The following JAKMIP2 variants were observed in gnomAD, a reference collection of about 807,000 sequenced individuals.
JAKMIP2 encodes the protein janus kinase and microtubule-interacting protein 2.
A neutral mutation model predicts 115.0 loss-of-function variants in JAKMIP2; 25 were observed. The ratio of observed to expected loss-of-function variants is 0.22; its 90% CI spans 0.16 to 0.30. The LOEUF is 0.30. Ranked by LOEUF, JAKMIP2 falls within the 10% of genes least tolerant of loss-of-function variation. The probability of loss-of-function intolerance (pLI) is 1.00; values close to 1 mark genes in which losing one functional copy is unlikely to be tolerated. For synonymous variants in JAKMIP2, 334 were observed against 343.6 expected, an observed-to-expected ratio of 0.97 and a Z score of 0.31; for missense variants, 642 against 957.6, an observed-to-expected ratio of 0.67 and a Z score of 4.35.
intron 3 of JAKMIP2, chr5:147,660,633 A>G (rs1758908580): frequency 1.1e-5 from 4 of 364,422 alleles, no homozygotes; most frequent in Non-Finnish European, 2.1e-5. Flanking sequence ...AATATCTAAG[A>G]AAACAGGAGT....
chr5:147,637,189 C>A, intron 10 of JAKMIP2, 141 bp from the exon 11 acceptor site: 3 of 649,230 alleles, frequency 4.6e-6, no homozygotes, highest in Non-Finnish European at 8.1e-6. Flanking sequence ...GATCTAAATT[C>A]TTGTTTAAAA....
At chr5:147,763,390 G>A (rs548291306) in intron 1 of JAKMIP2, among the ~76,000 whole-genome samples, 4 of 152,224 alleles carry the variant, frequency 2.6e-5, no homozygotes, top group African/African-American at 9.6e-5. Context: ...GCAGCTATAG[G>A]CTGTCTTTTT....
chr5:147,712,598 G>A (rs1247700429), intron 1 of JAKMIP2, among the ~76,000 whole-genome samples: 2 of 152,062 alleles, frequency 1.3e-5, no homozygotes, highest in South Asian at 4.1e-4. Flanking sequence ...ATCTCTTCGT[G>A]TGGCTTTCAC....
chr5:147,667,910 A>G (rs926614417), intron 2 of JAKMIP2, among the ~76,000 whole-genome samples: 1 of 152,182 alleles, frequency 6.6e-6, no homozygotes, highest in African/African-American at 2.4e-5. Context: ...TGAATCAGAC[A>G]GTGAGCATTA....
At chr5:147,612,039 A>T in intron 20 of JAKMIP2, 1 of 613,272 alleles carries the variant, frequency 1.6e-6, no homozygotes, top group Non-Finnish European at 3.1e-6. Context: ...AAGGAAATGA[A>T]GATAAGGAAG....
chr5:147,669,170 A>C (rs1759454828), intron 2 of JAKMIP2, among the ~76,000 whole-genome samples: 1 of 152,136 alleles, frequency 6.6e-6, no homozygotes. Context: ...TGAAAATACA[A>C]TCCTATTTAT....
chr5:147,774,725 A>C (rs1397580193), intron 1 of JAKMIP2, among the ~76,000 whole-genome samples: 2 of 152,140 alleles, frequency 1.3e-5, no homozygotes, highest in African/African-American at 4.8e-5. Flanking sequence ...ACCTCTCTCC[A>C]TGAAGTGCTA....
At chr5:147,611,750 T>G (rs1409756359) in intron 20 of JAKMIP2, among the ~76,000 whole-genome samples, 1 of 152,150 alleles carries the variant, frequency 6.6e-6, no homozygotes, top group Non-Finnish European at 1.5e-5. Context: ...CCACACGCAT[T>G]TCCAAGTGCC....
intron 21 of JAKMIP2, among the ~76,000 whole-genome samples, chr5:147,598,425 C>CATCTATCTATCTATCTATCT (rs71001444): frequency 2.9e-4 from 43 of 148,458 alleles, no homozygotes; most frequent in South Asian, 8.8e-4. Context: ...CTCTCATTTT[C>CATCTATCTATCTATCTATCT]ATCTATCTAT....
intron 1 of JAKMIP2, among the ~76,000 whole-genome samples, chr5:147,765,185 G>T (rs1469410905): frequency 2.0e-5 from 3 of 151,868 alleles, no homozygotes; most frequent in African/African-American, 7.3e-5. Context: ...ACTAATAGAT[G>T]AAAATAATGG....
In JAKMIP2 at chr5:147,706,459, T is replaced by C. The variant is rs560485443; in HGVS notation, c.-148-34505A>G. On this transcript the variant is annotated intron_variant, in intron 1 of 21. Coordinates refer to ENST00000616793, the MANE Select transcript of JAKMIP2 (RefSeq NM_001270941.2). ...CCAGCCTCCCAAACAGCTGAGACTA[T>C]AGGAACGTGCCACTGTGCCCAGCTA... 4.6e-5 allele frequency among the ~76,000 whole-genome samples: 7 copies of C among 152,242 alleles called. No homozygotes were observed. In the South Asian group the frequency reaches 1.4e-3, roughly 32 times the overall value.
rs139180865 is a variant in JAKMIP2, at chr5:147,722,948, C to T, written c.-148-50994G>A. 4.7e-3 allele frequency among the ~76,000 whole-genome samples: 716 copies of T among 151,992 alleles called. 4 individuals are homozygous for T. The highest frequency in any genetic ancestry group is 0.017 in the African/African-American group (691 of 41,464). On this transcript the variant is annotated intron_variant, in intron 1 of 21. Transcript: ENST00000616793. The stretch of plus-strand genomic sequence containing the variant: ...TGCTTTTATAAAACTAGTATAGTTA[C>T]ACAACATCAGCAAAGCATTTTTGGG...
intron 2 of JAKMIP2, 83 bp from the exon 3 acceptor site, chr5:147,661,528 C>T (rs1379757552): frequency 1.0e-5 from 14 of 1,379,470 alleles, no homozygotes; most frequent in Admixed American, 4.5e-5. Context: ...CAGCTCAGGC[C>T]GCTGTGATCT....
chr5:147,740,347 A>C (rs1305661392), intron 1 of JAKMIP2, among the ~76,000 whole-genome samples: 1 of 152,242 alleles, frequency 6.6e-6, no homozygotes, highest in African/African-American at 2.4e-5. Flanking sequence ...CATACCTAAC[A>C]AAAATCTATT....
At chr5:147,696,935 G>C (rs112686886) in intron 1 of JAKMIP2, among the ~76,000 whole-genome samples, 2 of 152,154 alleles carry the variant, frequency 1.3e-5, no homozygotes, top group Non-Finnish European at 2.9e-5. Context: ...AGGGTATCTG[G>C]CAGAAGAAAT....
At chr5:147,677,679 A>T (rs1030982221) in intron 1 of JAKMIP2, among the ~76,000 whole-genome samples, 1 of 152,218 alleles carries the variant, frequency 6.6e-6, no homozygotes, top group African/African-American at 2.4e-5. Flanking sequence ...TCAGGTCTAA[A>T]AATTCCCATT....
chr5:147,645,029 C>T (rs758779778), intron 5 of JAKMIP2, 33 bp from the exon 6 acceptor site: 2 of 1,607,638 alleles, frequency 1.2e-6, no homozygotes, highest in Non-Finnish European at 1.7e-6. Context: ...TTGTGTCTTG[C>T]GTTTGGGGGA....
chr5:147,759,878 T>C (rs1468223404), intron 1 of JAKMIP2, among the ~76,000 whole-genome samples: 8 of 152,036 alleles, frequency 5.3e-5, no homozygotes, highest in Admixed American at 5.3e-4. Context: ...AAGCAGGTAG[T>C]CCCAGTCGTG....
intron 1 of JAKMIP2, among the ~76,000 whole-genome samples, chr5:147,701,759 T>C (rs1335604797): frequency 2.6e-5 from 4 of 152,172 alleles, no homozygotes; most frequent in African/African-American, 7.2e-5. Flanking sequence ...ATGCAGCAAG[T>C]AGGTGCCATT....
Sources: gnomAD v4.1 joint callset for allele counts (sites outside exome capture counted in the v4.1 genomes callset) on GRCh38, gnomAD v4.1.1 for gene constraint, MANE v1.5 for transcripts, NCBI Gene and HGNC (gene_info 2026-07-23, HGNC 2026-07-21) for gene names.